Variants in OCA2 observed in about 807,000 individuals in gnomAD.
OCA2 encodes the protein P protein.
In OCA2, 77 loss-of-function variants were observed where a neutral mutation model predicts 100.2. That is an observed-to-expected ratio of 0.77 (90% CI 0.64 to 0.93). The LOEUF (loss-of-function observed/expected upper bound fraction) is 0.93. OCA2 is among the 40% of genes least tolerant of loss of function. OCA2 has a pLI of 0.00. For missense variants in OCA2, 1,062 were observed against 1,089.1 expected, an observed-to-expected ratio of 0.98 and a Z score of 0.35; for synonymous variants, 432 against 439.2, an observed-to-expected ratio of 0.98 and a Z score of 0.21.
intron 19 of OCA2, among the ~76,000 whole-genome samples, chr15:27,919,093 G>T (rs1043224557): frequency 5.3e-5 from 8 of 152,126 alleles, no homozygotes; most frequent in Admixed American, 3.3e-4. Context: ...TCTCCTCAAA[G>T]AATCATGATT....
In OCA2 at chr15:28,018,392, A is replaced by T. The variant is rs1303905891; in HGVS notation, c.807+5T>A. Reference sequence around the variant, plus strand: ...AATTCCTTTCAAATAAATTATCAGCATAACCTGCTGTGGCCGCCGCCACCT... The same window carrying T: ...AATTCCTTTCAAATAAATTATCAGCTTAACCTGCTGTGGCCGCCGCCACCT... On this transcript the variant is annotated splice_donor_5th_base_variant and intron_variant, in intron 7 of 23. Coordinates refer to ENST00000354638, the MANE Select transcript of OCA2 (RefSeq NM_000275.3). The T allele has an allele frequency of 4.3e-6, 7 of 1,613,716 alleles. No homozygotes were observed. In the South Asian group the frequency reaches 7.7e-5, roughly 18 times the overall value.
At chr15:27,938,527 G>A (rs149680524) in intron 18 of OCA2, among the ~76,000 whole-genome samples, 235 of 152,272 alleles carry the variant, frequency 1.5e-3, no homozygotes, top group African/African-American at 5.5e-3. Context: ...GTCAGGGAAT[G>A]GTACAGCCCT....
chr15:27,764,037 GGAGGGAAGGGA>G (rs1381621824), intron 23 of OCA2, among the ~76,000 whole-genome samples: 6 of 151,850 alleles, frequency 4.0e-5, no homozygotes, highest in Admixed American at 3.9e-4. Context: ...GAGAGAGGTA[GGAGGGAAGGGA>G]GAGGGAGAGA....
chr15:27,814,949 G>GAC (rs552381050), intron 23 of OCA2, among the ~76,000 whole-genome samples: 11 of 127,116 alleles, frequency 8.7e-5, no homozygotes, highest in East Asian at 2.2e-4. Flanking sequence ...GATAGATACA[G>GAC]AGATATATAT....
intron 2 of OCA2, among the ~76,000 whole-genome samples, chr15:28,064,628 A>C (rs2043969150): frequency 6.6e-6 from 1 of 151,774 alleles, no homozygotes; most frequent in Non-Finnish European, 1.5e-5. Flanking sequence ...CTTTTTTATA[A>C]TTTCTATCTC....
intron 2 of OCA2, among the ~76,000 whole-genome samples, chr15:28,057,217 A>G (rs1241049097): frequency 6.6e-6 from 1 of 152,242 alleles, no homozygotes; most frequent in South Asian, 2.1e-4. Flanking sequence ...CATTGAAGAA[A>G]GCACCTTTTT....
At chr15:27,857,504 T>C (rs914494623) in intron 21 of OCA2, among the ~76,000 whole-genome samples, 4 of 152,144 alleles carry the variant, frequency 2.6e-5, no homozygotes, top group Non-Finnish European at 5.9e-5. Flanking sequence ...TACAATAATA[T>C]AAATTTACTT....
At chr15:28,029,118 C>T (rs535485134) in intron 3 of OCA2, among the ~76,000 whole-genome samples, 2 of 152,144 alleles carry the variant, frequency 1.3e-5, no homozygotes, top group East Asian at 1.9e-4. Flanking sequence ...ACAATACTGA[C>T]GTTAACAGAT....
chr15:27,955,305 A>G, intron 16 of OCA2, 90 bp from the exon 17 acceptor site: 1 of 957,826 alleles, frequency 1.0e-6, no homozygotes, highest in Non-Finnish European at 1.7e-6. Context: ...TCGTGCCTGG[A>G]CGCGGTCTGT....
chr15:27,870,267 G>C (rs998563597), intron 21 of OCA2, among the ~76,000 whole-genome samples: 5 of 152,232 alleles, frequency 3.3e-5, no homozygotes, highest in Non-Finnish European at 5.9e-5. Context: ...GAAGAACAGA[G>C]GGCTCTCCCC....
chr15:28,018,393 T>C lies in OCA2; in HGVS notation c.807+4A>G, dbSNP rs533708574. 1 of 1,613,756 alleles carries C rather than the reference T, an allele frequency of 6.2e-7. No homozygotes were observed. The highest frequency in any genetic ancestry group is 2.2e-5 in the East Asian group (1 of 44,876). ...ATTCCTTTCAAATAAATTATCAGCA[T>C]AACCTGCTGTGGCCGCCGCCACCTG... On this transcript the variant is annotated splice_donor_region_variant and intron_variant, in intron 7 of 23. Transcript: ENST00000354638.
At chr15:27,720,166 G>T in the OCA2 span, among the ~76,000 whole-genome samples, 2 of 152,068 alleles carry the variant, frequency 1.3e-5, no homozygotes, top group African/African-American at 4.8e-5. Flanking sequence ...ACACAAATAT[G>T]CATTCCATCG....
chr15:27,823,482 A>C (rs997391208), intron 23 of OCA2, among the ~76,000 whole-genome samples: 3 of 152,244 alleles, frequency 2.0e-5, no homozygotes, highest in Non-Finnish European at 4.4e-5. Flanking sequence ...CGAAATAATA[A>C]ATCTGCTTAG....
At chr15:28,051,539 G>A (rs1016208680) in intron 2 of OCA2, among the ~76,000 whole-genome samples, 6 of 148,474 alleles carry the variant, frequency 4.0e-5, no homozygotes, top group East Asian at 2.0e-4. Context: ...TGATCCGCCC[G>A]CCTCAGCCTC....
chr15:27,907,354 C>G (rs1354028211), intron 19 of OCA2, among the ~76,000 whole-genome samples: 1 of 151,902 alleles, frequency 6.6e-6, no homozygotes, highest in African/African-American at 2.4e-5. Context: ...CACTACATAT[C>G]AAAATTTAAG....
chr15:27,888,500 A>G (rs2037320838), intron 19 of OCA2, among the ~76,000 whole-genome samples: 1 of 152,218 alleles, frequency 6.6e-6, no homozygotes, highest in African/African-American at 2.4e-5. Flanking sequence ...TTATCTTAAA[A>G]GGATTTTAAA....
chr15:27,868,798 T>C (rs568219470), intron 21 of OCA2, among the ~76,000 whole-genome samples: 65 of 152,350 alleles, frequency 4.3e-4, no homozygotes, highest in African/African-American at 1.6e-3. Context: ...GTGGTGATAT[T>C]ATCACAGGTA....
At chr15:27,719,383 C>G in the OCA2 span, among the ~76,000 whole-genome samples, 5 of 152,252 alleles carry the variant, frequency 3.3e-5, no homozygotes, top group East Asian at 5.8e-4. Context: ...CCTCATTTAA[C>G]CTCAGTTACC....
chr15:27,995,694 C>T (rs1006568200), intron 9 of OCA2, among the ~76,000 whole-genome samples: 2 of 151,752 alleles, frequency 1.3e-5, no homozygotes, highest in African/African-American at 4.8e-5. Flanking sequence ...TTGAACTTAA[C>T]AAATTTTAGA....
Sources: gnomAD v4.1 joint callset for allele counts (sites outside exome capture counted in the v4.1 genomes callset) on GRCh38, gnomAD v4.1.1 for gene constraint, MANE v1.5 for transcripts, NCBI Gene and HGNC (gene_info 2026-07-23, HGNC 2026-07-21) for gene names.